Variants in CEP57L1 observed in about 807,000 individuals in gnomAD.
CEP57L1 encodes centrosomal protein CEP57L1.
A neutral mutation model predicts 61.0 loss-of-function variants in CEP57L1; 37 were observed. The ratio of observed to expected loss-of-function variants is 0.61; its 90% CI spans 0.47 to 0.80. CEP57L1 has a LOEUF of 0.80. Ranked by LOEUF, CEP57L1 falls within the 30% of genes least tolerant of loss-of-function variation. The pLI is 0.00. For missense variants in CEP57L1, 422 were observed against 524.7 expected (o/e 0.80, Z 1.91); for synonymous variants, 137 against 162.3 (o/e 0.84, Z 1.19).
chr6:109,106,340 T>A (rs1388041281), intron 1 of CEP57L1, among the ~76,000 whole-genome samples: 1 of 152,190 alleles, frequency 6.6e-6, no homozygotes, highest in East Asian at 1.9e-4. Context: ...TTTTATACTC[T>A]TATACATCTT....
chr6:109,145,354 A>G lies in CEP57L1; in HGVS notation c.133A>G (p.Lys45Glu). 3.1e-6 allele frequency: 5 copies of G among 1,607,828 alleles called. No individual in the cohort carries two copies. The highest frequency in any genetic ancestry group is 3.4e-6 in the Non-Finnish European group (4 of 1,176,772). ...TGCAAACTTAGAAGTTACCTCTCCTAAGATACTTCATAGCCCAAATAGCCA... is the reference window on the plus strand; with the variant it reads ...TGCAAACTTAGAAGTTACCTCTCCTGAGATACTTCATAGCCCAAATAGCCA... ...HPANLEVTSP[K>E]ILHSPNSQAL... Residue 45 changes from lysine (K) to glutamate (E), a missense_variant, in exon 2 of 11, where the codon AAG (lysine) becomes GAG (glutamate). By Grantham distance (56) the Lys-to-Glu change is moderately conservative (BLOSUM62 1). Transcript: ENST00000517392.
intron 4 of CEP57L1, among the ~76,000 whole-genome samples, chr6:109,151,026 T>A (rs2114905446): frequency 6.6e-6 from 1 of 152,242 alleles, no homozygotes; most frequent in Admixed American, 6.5e-5. Flanking sequence ...TGTGGATAAA[T>A]CTAAATTAAT....
At chr6:109,129,270 A>G (rs1214008537) in intron 1 of CEP57L1, 3 of 769,054 alleles carry the variant, frequency 3.9e-6, no homozygotes, top group Non-Finnish European at 5.2e-6. Flanking sequence ...CGCCTTTAGT[A>G]TCTTTATTAA....
At position 109,173,437 on chromosome 6, in the gene CEP57L1, T is replaced by C. The variant is rs1363114198; in HGVS notation, c.*10467T>C. Among the ~76,000 whole-genome samples, 1 of 148,618 alleles carries C rather than the reference T, an allele frequency of 6.7e-6. No homozygotes were observed. Among genetic ancestry groups the C allele is most frequent in the Non-Finnish European group, 1.5e-5 (1 of 67,124 alleles). On this transcript the variant is annotated 3_prime_UTR_variant, in exon 11 of 11. Coordinates refer to ENST00000517392, the MANE Select transcript of CEP57L1 (RefSeq NM_001271852.3). ...CCCCCTACCTTTCTTTTTTTTTTTT[T>C]TTTCTTTTCAGGGTCTTGTTCTGTC... is the stretch of plus-strand genomic sequence containing the variant.
intron 1 of CEP57L1, among the ~76,000 whole-genome samples, chr6:109,135,591 G>T (rs1357687298): frequency 6.6e-6 from 1 of 152,192 alleles, no homozygotes; most frequent in African/African-American, 2.4e-5. Context: ...AAGAGCTTCT[G>T]CCCAGCAAAA....
chr6:109,150,845 A>T (rs1772537163), intron 4 of CEP57L1, among the ~76,000 whole-genome samples: 1 of 152,042 alleles, frequency 6.6e-6, no homozygotes, highest in African/African-American at 2.4e-5. Flanking sequence ...TGCCCGGGGG[A>T]AGTATCCTTC....
At chr6:109,135,147 T>TA (rs1774695278) in intron 1 of CEP57L1, among the ~76,000 whole-genome samples, 2 of 152,280 alleles carry the variant, frequency 1.3e-5, no homozygotes, top group South Asian at 4.1e-4. Flanking sequence ...GGCATCATGC[T>TA]ACCTGACTTC....
rs140957283 is a variant in CEP57L1 at position 109,168,798 on chromosome 6, A to G, written c.*5828A>G. On this transcript the variant is annotated 3_prime_UTR_variant, in exon 11 of 11. Coordinates refer to ENST00000517392, the MANE Select transcript of CEP57L1 (RefSeq NM_001271852.3). The stretch of plus-strand genomic sequence containing the variant: ...TTTAGTAGAGATGGGGTTTCACTGT[A>G]TTGCCCAGGCTGGTCACGAACTCCT... Among the ~76,000 whole-genome samples, 1,127 of 150,946 alleles carry G rather than the reference A, an allele frequency of 7.5e-3. 18 individuals are homozygous for G. Among genetic ancestry groups the G allele is most frequent in the African/African-American group, 0.026 (1,080 of 41,270 alleles).
chr6:109,134,358 A>T (rs1395580043), intron 1 of CEP57L1, among the ~76,000 whole-genome samples: 1 of 152,240 alleles, frequency 6.6e-6, no homozygotes, highest in African/African-American at 2.4e-5. Context: ...GACAAAATTC[A>T]ACAGCCCTTC....
At chr6:109,109,143 C>T (rs748711004) in intron 1 of CEP57L1, among the ~76,000 whole-genome samples, 2 of 152,134 alleles carry the variant, frequency 1.3e-5, no homozygotes. Flanking sequence ...CAATAGTAGT[C>T]TCCTGTGTAG....
Position 109,160,695 on chromosome 6 carries a change from A to G in CEP57L1, c.1140A>G (p.Lys380=). The stretch of plus-strand genomic sequence containing the variant: ...AAATTAAAGGAGAACAAATCTCCAA[A>G]CTGAAGAAGCATCAAGACAGTGTAA... The part of the protein sequence containing the change: ...KMEIKGEQIS[K]LKKHQDSVCK... The change falls in exon 10 of 11, where the codon AAA becomes AAG. Residue 380 remains lysine (K), a synonymous_variant. Coordinates refer to ENST00000517392, the MANE Select transcript of CEP57L1 (RefSeq NM_001271852.3). 6.2e-7 allele frequency: 1 copy of G among 1,601,716 alleles called. No individual in the cohort carries two copies. Among genetic ancestry groups the G allele is most frequent in the South Asian group, 1.1e-5 (1 of 88,408 alleles).
intron 1 of CEP57L1, among the ~76,000 whole-genome samples, chr6:109,097,360 C>G (rs1781825540): frequency 6.6e-6 from 1 of 152,184 alleles, no homozygotes; most frequent in Non-Finnish European, 1.5e-5. Context: ...CAGATTTGAT[C>G]AGATTTTCTC....
At chr6:109,125,329 ATCATTGTCCAATAGC>A (rs1773421947) in intron 1 of CEP57L1, among the ~76,000 whole-genome samples, 1 of 152,024 alleles carries the variant, frequency 6.6e-6, no homozygotes, top group South Asian at 2.1e-4. Flanking sequence ...TTAGTTATTT[ATCATTGTCCAATAGC>A]TCATTCCTCC....
Position 109,162,864 on chromosome 6 carries a change from G to A in CEP57L1, c.1277G>A (p.Cys426Tyr). Residue 426 changes from cysteine (C) to tyrosine (Y), a missense_variant, in exon 11 of 11, where the codon TGT becomes TAT. Cys to Tyr is a radical substitution (Grantham distance 194, BLOSUM62 -2). Transcript: ENST00000517392. ...SKNIKNSPRK[C>Y]LTDTNLFQKN... ...AACATAAAAAATAGCCCCAGAAAAT[G>A]TTTGACTGACACTAACCTTTTTCAG... 6.2e-7 allele frequency: 1 copy of A among 1,613,222 alleles called. No individual in the cohort carries two copies. The highest frequency in any genetic ancestry group is 8.5e-7 in the Non-Finnish European group (1 of 1,179,450).
intron 1 of CEP57L1, among the ~76,000 whole-genome samples, chr6:109,116,139 GTTATGTTA>G (rs1772265321): frequency 2.2e-5 from 3 of 134,812 alleles, no homozygotes; most frequent in Non-Finnish European, 3.2e-5. Flanking sequence ...GTTATGTTAT[GTTATGTTA>G]TGTTATGTTA....
chr6:109,145,622 C>T (rs554148168), intron 2 of CEP57L1, among the ~76,000 whole-genome samples: 3 of 151,926 alleles, frequency 2.0e-5, no homozygotes, highest in African/African-American at 7.2e-5. Context: ...ATCATAAAAA[C>T]ATCATTTGAA....
chr6:109,136,418 G>T (rs928194860), intron 1 of CEP57L1, among the ~76,000 whole-genome samples: 7 of 152,178 alleles, frequency 4.6e-5, no homozygotes, highest in African/African-American at 1.7e-4. Flanking sequence ...CCTGTTGTAG[G>T]GTGTGGGTAG....
intron 1 of CEP57L1, among the ~76,000 whole-genome samples, chr6:109,110,604 C>T (rs1271232813): frequency 6.6e-6 from 1 of 152,148 alleles, no homozygotes. Context: ...TTTGCCCATG[C>T]CAATGTCCTG....
intron 1 of CEP57L1, among the ~76,000 whole-genome samples, chr6:109,144,728 A>G (rs538732793): frequency 6.6e-6 from 1 of 152,220 alleles, no homozygotes; most frequent in South Asian, 2.1e-4. Context: ...AAATTCCGAT[A>G]TTTCATATAT....
Sources: gnomAD v4.1 joint callset for allele counts (sites outside exome capture counted in the v4.1 genomes callset) on GRCh38, gnomAD v4.1.1 for gene constraint, MANE v1.5 for transcripts, NCBI Gene and HGNC (gene_info 2026-07-23, HGNC 2026-07-21) for gene names.